The following MAST1 variants were observed in gnomAD, a reference collection of about 807,000 sequenced individuals.
The protein encoded by MAST1 is microtubule associated serine/threonine kinase 1.
A neutral mutation model predicts 124.6 loss-of-function variants in MAST1; 40 were observed. The ratio of observed to expected loss-of-function variants is 0.32; its 90% CI spans 0.25 to 0.42. MAST1 has a LOEUF of 0.42. Ranked by LOEUF, MAST1 falls within the 10% of genes least tolerant of loss-of-function variation. The pLI, the probability that MAST1 is intolerant of heterozygous loss-of-function variation, is 1.00. For synonymous variants in MAST1, 938 were observed against 939.4 expected (o/e 1.00, Z 0.03); for missense variants, 1,558 against 2,181.9 (o/e 0.71, Z 5.70).
rs2145913078 is a variant in MAST1, at chr19:12,870,954, C to A, written c.3126+8C>A. ...GTGGAGCTGATCCTTAAGGTGAGTG[C>A]AGGGAAGGAGGCACCCTGGGCGGAG... is the stretch of plus-strand genomic sequence containing the variant. On this transcript the variant is annotated splice_region_variant and intron_variant, in intron 23 of 25. Coordinates refer to ENST00000251472, the MANE Select transcript of MAST1 (RefSeq NM_014975.3). 6.2e-7 allele frequency: 1 copy of A among 1,613,602 alleles called. No homozygotes were observed. The highest frequency in any genetic ancestry group is 8.5e-7 in the Non-Finnish European group (1 of 1,179,708).
At position 12,838,596 on chromosome 19, in the gene MAST1, G is replaced by T; in HGVS notation, c.24G>T (p.Ala8=). MSDSLWT[A]LSNFSMPSFP... ...TCATGTCTGACTCTCTCTGGACCGC[G>T]CTTTCTAATTTCTCGATGCCCTCCT... Residue 8 remains alanine (A), a synonymous_variant, in exon 1 of 26, where the codon GCG becomes GCT. Coordinates refer to ENST00000251472, the MANE Select transcript of MAST1 (RefSeq NM_014975.3). The surrounding 1 kb of genome is among the most constrained non-coding windows in gnomAD (Gnocchi z 4.3). 1 of 1,609,576 alleles carries T rather than the reference G, an allele frequency of 6.2e-7. No individual in the cohort carries two copies.
intron 12 of MAST1, among the ~76,000 whole-genome samples, chr19:12,859,826 CAA>C (rs60098806): frequency 9.9e-4 from 92 of 93,086 alleles, no homozygotes; most frequent in South Asian, 2.8e-3. Context: ...CCCTGTCCCG[CAA>C]AAAAAAAAAA....
intron 10 of MAST1, among the ~76,000 whole-genome samples, chr19:12,854,400 G>A (rs1405916585): frequency 6.6e-6 from 1 of 152,172 alleles, no homozygotes; most frequent in Admixed American, 6.6e-5. Context: ...TGCGATTACA[G>A]GCGTGAGCCA....
chr19:12,858,777 G>T, intron 12 of MAST1, 38 bp downstream of exon 12: 1 of 1,606,612 alleles, frequency 6.2e-7, no homozygotes, highest in East Asian at 2.2e-5. Context: ...AGATGGGGCC[G>T]TGCTCACTGG....
At chr19:12,848,806 A>T (rs1969928270) in intron 7 of MAST1, 1 of 152,108 alleles carries the variant, frequency 6.6e-6, no homozygotes, top group Non-Finnish European at 1.5e-5. Flanking sequence ...AAAAATACAA[A>T]AATTAGCTGG....
intron 12 of MAST1, 177 bp downstream of exon 12, chr19:12,858,916 C>A: frequency 1.6e-6 from 1 of 638,854 alleles, no homozygotes; most frequent in South Asian, 1.9e-5. Context: ...TTTATTCAGT[C>A]ATCTATTGGT....
intron 22 of MAST1, among the ~76,000 whole-genome samples, chr19:12,870,031 A>G (rs1375870119): frequency 1.3e-5 from 2 of 150,204 alleles, no homozygotes; most frequent in Non-Finnish European, 3.0e-5. Flanking sequence ...AATACAAAAA[A>G]TTAGCTGGGC....
At chr19:12,839,382 C>A (rs1417237012) in intron 1 of MAST1, among the ~76,000 whole-genome samples, 1 of 152,198 alleles carries the variant, frequency 6.6e-6, no homozygotes, top group Non-Finnish European at 1.5e-5. Flanking sequence ...TCCACACACA[C>A]ACAGTTATGT....
In MAST1 at chr19:12,866,055, A is replaced by G. The variant is rs1332833193; in HGVS notation, c.1982A>G (p.Glu661Gly). 6.2e-7 allele frequency: 1 copy of G among 1,614,058 alleles called. No individual in the cohort carries two copies. The highest frequency in any genetic ancestry group is 8.5e-7 in the Non-Finnish European group (1 of 1,180,044). The change falls in exon 17 of 26, where the codon GAG becomes GGG. Residue 661 changes from glutamate to glycine, a missense_variant. Glu to Gly is a moderately conservative substitution (Grantham distance 98). Around this residue, in one of 10 missense-constraint regions of MAST1, gnomAD observed 145 missense variants for 350.0 expected, o/e 0.41. Transcript: ENST00000251472. This position sits in a 1 kb window ranked among gnomAD's most constrained non-coding sequence, Gnocchi z 5.2. ...DWTGLLRQKAEFIPHLESEDD... is the reference protein window; with the variant it reads ...DWTGLLRQKAGFIPHLESEDD... Reference sequence around the variant, plus strand: ...ACAGGGCTGCTGAGGCAGAAGGCCGAGTTCATCCCCCACCTAGAGTCGGAA... The same window carrying G: ...ACAGGGCTGCTGAGGCAGAAGGCCGGGTTCATCCCCCACCTAGAGTCGGAA...
chr19:12,865,827 G>A lies in MAST1; in HGVS notation c.1906+9G>A, dbSNP rs1191063248. On this transcript the variant is annotated intron_variant, in intron 16 of 25. Transcript: ENST00000251472. The surrounding 1 kb of genome is among the most constrained non-coding windows in gnomAD (Gnocchi z 7.1). Reference sequence around the variant, plus strand: ...GGTCAGGCTTGGGGCAGGTAAGTCCGCCATGCAGAGGAGCTGAGGGCCCAC... The same window carrying A: ...GGTCAGGCTTGGGGCAGGTAAGTCCACCATGCAGAGGAGCTGAGGGCCCAC... 3 of 1,610,942 alleles carry A rather than the reference G, an allele frequency of 1.9e-6. No homozygotes were observed. Among genetic ancestry groups the A allele is most frequent in the Non-Finnish European group, 2.5e-6 (3 of 1,178,208 alleles).
At chr19:12,872,142 T>C (rs901162758) in intron 24 of MAST1, among the ~76,000 whole-genome samples, 5 of 152,064 alleles carry the variant, frequency 3.3e-5, no homozygotes. Flanking sequence ...AAGGCTAGAA[T>C]AAGAAATGTC....
intron 24 of MAST1, among the ~76,000 whole-genome samples, chr19:12,871,425 G>A (rs1970232655): frequency 1.3e-5 from 2 of 152,044 alleles, no homozygotes; most frequent in South Asian, 4.1e-4. Context: ...TGGCCAATAT[G>A]GTGAAACCCC....
At chr19:12,851,439 T>C (rs1969958578) in intron 7 of MAST1, among the ~76,000 whole-genome samples, 1 of 151,266 alleles carries the variant, frequency 6.6e-6, no homozygotes, top group Admixed American at 6.6e-5. Context: ...AATTTTATTA[T>C]TTGTAGAGAC....
chr19:12,839,003 TC>T (rs1206388700), intron 1 of MAST1, among the ~76,000 whole-genome samples: 2 of 151,066 alleles, frequency 1.3e-5, no homozygotes, highest in African/African-American at 4.9e-5. Context: ...CAGCCTGGCC[TC>T]CCCCCACCCC....
chr19:12,860,381 G>A (rs1054098357), intron 12 of MAST1, among the ~76,000 whole-genome samples: 4 of 151,224 alleles, frequency 2.6e-5, no homozygotes, highest in Non-Finnish European at 4.4e-5. Context: ...CTCCCAAAGT[G>A]CTGTGATTAC....
intron 12 of MAST1, among the ~76,000 whole-genome samples, chr19:12,860,591 T>A (rs1406842338): frequency 6.6e-6 from 1 of 151,246 alleles, no homozygotes; most frequent in Non-Finnish European, 1.5e-5. Context: ...ATTACAGGTG[T>A]GTGCCACCAC....
In MAST1 at chr19:12,874,004, C is replaced by A. The variant is rs1384185419; in HGVS notation, c.3847C>A (p.Arg1283Ser). Residue 1283 changes from arginine (R) to serine (S), a missense_variant, in exon 26 of 26, where the codon CGC becomes AGC. Physicochemically the swap from Arg to Ser is moderately radical, Grantham distance 110. Around this residue, in one of 10 missense-constraint regions of MAST1, gnomAD observed 263 missense variants for 310.9 expected, o/e 0.85. Transcript: ENST00000251472. This position sits in a 1 kb window ranked among gnomAD's most constrained non-coding sequence, Gnocchi z 6.6. The stretch of plus-strand genomic sequence containing the variant: ...GAGTGCGGACAAGAAGGGCGCGCTG[C>A]GCAAACACAGCCTCGAGGTGGGCCA... Reference protein sequence around the residue: ...SLSADKKGALRKHSLEVGHPD... With the variant: ...SLSADKKGALSKHSLEVGHPD... 1.2e-6 allele frequency: 2 copies of A among 1,605,094 alleles called. No homozygotes were observed. The highest frequency in any genetic ancestry group is 2.2e-5 in the South Asian group (2 of 90,636).
At chr19:12,852,494 G>T in intron 10 of MAST1, 99 bp downstream of exon 10, 1 of 1,126,408 alleles carries the variant, frequency 8.9e-7, no homozygotes. Context: ...TGGATCTCTT[G>T]GTCCTACACT....
intron 7 of MAST1, chr19:12,848,323 T>C: frequency 2.2e-6 from 1 of 448,786 alleles, no homozygotes; most frequent in Non-Finnish European, 4.0e-6. Context: ...CCCAGTCATT[T>C]AAAATATTAA....
Sources: allele counts gnomAD v4.1 joint callset (sites outside exome capture counted in the v4.1 genomes callset), GRCh38; gene constraint gnomAD v4.1.1; regional missense constraint gnomAD v4.1.1; non-coding constraint Gnocchi (gnomAD v3.1); transcripts MANE v1.5; gene names NCBI Gene and HGNC (gene_info 2026-07-23, HGNC 2026-07-21).